DDX47: variants seen among roughly 807,000 people sequenced by gnomAD.
DDX47 encodes the protein DEAD-box helicase 47.
DDX47 carries 60 observed loss-of-function variants against 58.8 expected under a neutral mutation model. The ratio of observed to expected loss-of-function variants is 1.02; its 90% confidence interval spans 0.83 to 1.26. The LOEUF is 1.26. DDX47 is among the 50% of genes most tolerant of loss of function. The probability of loss-of-function intolerance (pLI) is 0.00; values close to 1 mark genes in which losing one functional copy is unlikely to be tolerated. For missense variants in DDX47, 530 were observed against 573.2 expected, an observed-to-expected ratio of 0.92 and a Z score of 0.77; for synonymous variants, 197 against 204.6, an observed-to-expected ratio of 0.96 and a Z score of 0.32.
chr12:12,829,569 G>A lies in DDX47; in HGVS notation c.*15G>A. The A allele has an allele frequency of 1.9e-6, 3 of 1,611,614 alleles. No homozygotes were observed. Among genetic ancestry groups the A allele is most frequent in the South Asian group, 1.1e-5 (1 of 90,598 alleles). On this transcript the variant is annotated 3_prime_UTR_variant, in exon 12 of 12. Transcript: ENST00000358007. ...AAGGCCGTTAATCACTTTTATGAAG[G>A]CTCGAGTTCTGCTGTTCTGTAAAAG...
Position 12,826,018 on chromosome 12 carries a change from G to T in DDX47, c.1054G>T (p.Gly352Cys). 6.2e-7 allele frequency: 1 copy of T among 1,613,266 alleles called. No homozygotes were observed. The highest frequency in any genetic ancestry group is 1.1e-5 in the South Asian group (1 of 90,854). ...THSKDYIHRV[G>C]RTARAGRSGK... is the part of the protein sequence containing the mutation. ...GTTTTAGGATTACATCCATCGAGTA[G>T]GTCGAACAGCTAGAGCTGGGCGCTC... Residue 352 changes from glycine (G) to cysteine (C), a missense_variant, in exon 10 of 12, where the codon GGT becomes TGT. Coordinates refer to ENST00000358007, the MANE Select transcript of DDX47 (RefSeq NM_016355.4).
chr12:12,820,996 A>T (rs1862961283), intron 2 of DDX47, among the ~76,000 whole-genome samples: 1 of 152,130 alleles, frequency 6.6e-6, no homozygotes. Flanking sequence ...TTATCACATT[A>T]TAATGCATTT....
chr12:12,829,412 T>C lies in DDX47; in HGVS notation c.1237-11T>C. The C allele has an allele frequency of 6.3e-7, 1 of 1,599,446 alleles. No individual in the cohort carries two copies. Among genetic ancestry groups the C allele is most frequent in the South Asian group, 1.1e-5 (1 of 87,982 alleles). ...TCATTTTCAATCCCATCCTCTCTTT[T>C]TTTCTTGCAGGAGTTAAGGGAGCAT... On this transcript the variant is annotated splice_polypyrimidine_tract_variant and intron_variant, in intron 11 of 11. Transcript: ENST00000358007.
intron 2 of DDX47, among the ~76,000 whole-genome samples, chr12:12,819,072 G>T (rs1243628581): frequency 6.6e-6 from 1 of 152,110 alleles, no homozygotes; most frequent in Non-Finnish European, 1.5e-5. Context: ...GATCTTACAG[G>T]TCTGTTCTAC....
At chr12:12,818,038 C>T (rs143998323) in intron 2 of DDX47, among the ~76,000 whole-genome samples, 219 of 152,296 alleles carry the variant, frequency 1.4e-3, no homozygotes, top group African/African-American at 4.4e-3. Flanking sequence ...CAGGCTGGGA[C>T]GGCAGTATCC....
chr12:12,821,473 A>G, intron 3 of DDX47, 77 bp downstream of exon 3: 1 of 1,546,110 alleles, frequency 6.5e-7, no homozygotes, highest in Non-Finnish European at 8.9e-7. Flanking sequence ...AGAATGGAGG[A>G]AAGTATTGCT....
At chr12:12,817,697 C>T (rs547701821) in intron 2 of DDX47, among the ~76,000 whole-genome samples, 1 of 152,310 alleles carries the variant, frequency 6.6e-6, no homozygotes, top group South Asian at 2.1e-4. Flanking sequence ...GGAGTTTATG[C>T]ATTCTGGTAT....
At position 12,829,973 on chromosome 12, in the gene DDX47, T is replaced by G. The variant is rs1863106643; in HGVS notation, c.*419T>G. On this transcript the variant is annotated 3_prime_UTR_variant, in exon 12 of 12. Coordinates refer to ENST00000358007, the MANE Select transcript of DDX47 (RefSeq NM_016355.4). ...TGAAACAATAAATTTAAATATTATT[T>G]TTAAAAGATTCTAACTCCTTAAAGA... 1 of 152,974 alleles carries G rather than the reference T, an allele frequency of 6.5e-6. No homozygotes were observed. Among genetic ancestry groups the G allele is most frequent in the South Asian group, 2.1e-4 (1 of 4,850 alleles). The allele number at this position is 152,974 out of a possible 1,614,324, so 9.5% of individuals were successfully genotyped here. A position where few individuals can be genotyped will look rare whatever the true frequency, so the allele number is the denominator to read the frequency against.
Position 12,829,408 on chromosome 12 carries a change from C to CTTTT in DDX47, c.1237-11_1237-8dup. The CTTTT allele has an allele frequency of 6.3e-7, 1 of 1,599,084 alleles. No individual in the cohort carries two copies. The highest frequency in any genetic ancestry group is 1.8e-5 in the Admixed American group (1 of 56,198). Reference sequence around the variant, plus strand: ...TAATTCATTTTCAATCCCATCCTCTCTTTTTTTCTTGCAGGAGTTAAGGGA... The same window carrying CTTTT: ...TAATTCATTTTCAATCCCATCCTCTCTTTTTTTTTTTCTTGCAGGAGTTAAGGGA... On this transcript the variant is annotated splice_polypyrimidine_tract_variant and intron_variant, in intron 11 of 11. Transcript: ENST00000358007.
At chr12:12,817,234 A>G (rs1862910529) in intron 2 of DDX47, among the ~76,000 whole-genome samples, 1 of 152,206 alleles carries the variant, frequency 6.6e-6, no homozygotes, top group Non-Finnish European at 1.5e-5. Flanking sequence ...AAACCTTATA[A>G]CAATGCTGAA....
intron 8 of DDX47, 196 bp from the exon 9 acceptor site, chr12:12,824,344 T>C: frequency 1.7e-6 from 1 of 592,210 alleles, no homozygotes; most frequent in Non-Finnish European, 2.8e-6. Flanking sequence ...AAACTACCCT[T>C]ATTTTGTATC....
At chr12:12,818,394 A>G (rs1862926893) in intron 2 of DDX47, among the ~76,000 whole-genome samples, 1 of 151,968 alleles carries the variant, frequency 6.6e-6, no homozygotes. Context: ...GGTGACGGGC[A>G]CCTGTAGTCC....
chr12:12,823,129 A>T, intron 6 of DDX47, 74 bp from the exon 7 acceptor site: 1 of 957,366 alleles, frequency 1.0e-6, no homozygotes, highest in Non-Finnish European at 1.7e-6. Context: ...TTGGGTGAGG[A>T]CACAGAGCCA....
intron 6 of DDX47, 132 bp from the exon 7 acceptor site, chr12:12,823,071 C>T (rs1862996382): frequency 2.9e-6 from 2 of 698,224 alleles, no homozygotes; most frequent in Admixed American, 2.3e-5. Context: ...AATAACCTCC[C>T]ACCAGGTCCC....
chr12:12,815,009 A>G (rs1035071589), intron 2 of DDX47, among the ~76,000 whole-genome samples: 3 of 152,174 alleles, frequency 2.0e-5, no homozygotes, highest in East Asian at 3.8e-4. Flanking sequence ...GAGTAGAAGT[A>G]AAGTCCTGCT....
intron 4 of DDX47, 66 bp from the exon 5 acceptor site, chr12:12,821,899 A>G (rs924343922): frequency 9.5e-6 from 12 of 1,266,372 alleles, no homozygotes; most frequent in Middle Eastern, 1.9e-4. Flanking sequence ...TTATTTGTTT[A>G]TTTGTTTTGT....
intron 3 of DDX47, 70 bp downstream of exon 3, chr12:12,821,466 A>G: frequency 6.4e-7 from 1 of 1,567,298 alleles, no homozygotes; most frequent in South Asian, 1.1e-5. Context: ...AGGAAGGAGA[A>G]TGGAGGAAAG....
chr12:12,825,297 G>A (rs1301086741), intron 9 of DDX47, among the ~76,000 whole-genome samples: 1 of 152,122 alleles, frequency 6.6e-6, no homozygotes, highest in African/African-American at 2.4e-5. Flanking sequence ...GTATCTCAAG[G>A]TTTCTCAGCC....
chr12:12,827,786 A>G (rs1337227221), intron 11 of DDX47, among the ~76,000 whole-genome samples: 1 of 152,162 alleles, frequency 6.6e-6, no homozygotes, highest in African/African-American at 2.4e-5. Flanking sequence ...CAGAGAAGCC[A>G]ATATAAACTA....
Sources: gnomAD v4.1 joint callset for allele counts (sites outside exome capture counted in the v4.1 genomes callset) on GRCh38, gnomAD v4.1.1 for gene constraint, MANE v1.5 for transcripts, NCBI Gene and HGNC (gene_info 2026-07-23, HGNC 2026-07-21) for gene names.